DLG2: variants seen among roughly 807,000 people sequenced by gnomAD.
DLG2 encodes disks large homolog 2.
A neutral mutation model predicts 132.5 loss-of-function variants in DLG2; 45 were observed. The ratio of observed to expected loss-of-function variants is 0.34; its 90% CI spans 0.27 to 0.44. The LOEUF (loss-of-function observed/expected upper bound fraction) is 0.44. Ranked by LOEUF, DLG2 falls within the 20% of genes least tolerant of loss-of-function variation. The pLI, the probability that DLG2 is intolerant of heterozygous loss-of-function variation, is 1.00. For missense variants in DLG2, 1,045 were observed against 1,196.9 expected, an observed-to-expected ratio of 0.87 and a Z score of 1.87; for synonymous variants, 424 against 419.6, an observed-to-expected ratio of 1.01 and a Z score of -0.13.
At chr11:85,546,308 G>A (rs1455709332) in intron 3 of DLG2, among the ~76,000 whole-genome samples, 1 of 152,162 alleles carries the variant, frequency 6.6e-6, no homozygotes, top group East Asian at 1.9e-4. Context: ...ATTTTTGAGT[G>A]AGTTTCTTAA....
Position 83,458,260 on chromosome 11 carries a change from C to T in DLG2, c.*1558G>A, listed in dbSNP as rs993314565. On this transcript the variant is annotated 3_prime_UTR_variant, in exon 28 of 28. Coordinates refer to ENST00000376104, the MANE Select transcript of DLG2 (RefSeq NM_001142699.3). ...AAAGCAATGCTGATGTCGCCATCCACTCTAAAGTGGGAAACCAACTCTTCT... is the reference window on the plus strand; with the variant it reads ...AAAGCAATGCTGATGTCGCCATCCATTCTAAAGTGGGAAACCAACTCTTCT... 3.3e-5 allele frequency: 5 copies of T among 152,638 alleles called. No homozygotes were observed. Among genetic ancestry groups the T allele is most frequent in the African/African-American group, 1.2e-4 (5 of 41,440 alleles). 9.5% of individuals were successfully genotyped at this position (152,638 alleles called of 1,614,324 possible).
intron 21 of DLG2, among the ~76,000 whole-genome samples, chr11:83,492,467 C>G (rs2093909211): frequency 6.6e-6 from 1 of 151,978 alleles, no homozygotes; most frequent in African/African-American, 2.4e-5. Context: ...CAGCTTGAAA[C>G]TTTCCCAGAG....
At chr11:85,220,637 A>AAAAAAAATATAT (rs371263007) in intron 4 of DLG2, among the ~76,000 whole-genome samples, 7 of 148,316 alleles carry the variant, frequency 4.7e-5, no homozygotes, top group African/African-American at 1.7e-4. Context: ...TAGAAAAAAA[A>AAAAAAAATATAT]ATATATATAT....
chr11:84,741,768 A>G (rs950749684), intron 6 of DLG2, among the ~76,000 whole-genome samples: 1 of 152,298 alleles, frequency 6.6e-6, no homozygotes, highest in South Asian at 2.1e-4. Context: ...GTAAGGAAAC[A>G]TGGTATCTCT....
intron 12 of DLG2, among the ~76,000 whole-genome samples, chr11:83,979,358 G>A (rs975804713): frequency 6.6e-6 from 1 of 152,174 alleles, no homozygotes; most frequent in Admixed American, 6.6e-5. Flanking sequence ...GCTCCTTGCA[G>A]ACAGATTAGA....
intron 6 of DLG2, among the ~76,000 whole-genome samples, chr11:85,038,749 A>T (rs113686224): frequency 6.6e-6 from 1 of 152,072 alleles, no homozygotes; most frequent in Non-Finnish European, 1.5e-5. Context: ...GTGGCCACTG[A>T]TGTCCAATAA....
chr11:83,856,650 A>G (rs1438723926), intron 16 of DLG2, among the ~76,000 whole-genome samples: 2 of 151,944 alleles, frequency 1.3e-5, no homozygotes, highest in East Asian at 1.9e-4. Context: ...TAAACTTTTC[A>G]TGTCCTTTGC....
At chr11:84,628,181 T>C (rs965959797) in intron 6 of DLG2, among the ~76,000 whole-genome samples, 9 of 152,090 alleles carry the variant, frequency 5.9e-5, no homozygotes, top group African/African-American at 1.9e-4. Context: ...TTAATTAGCA[T>C]AGCACCTGTA....
At chr11:84,521,245 A>G (rs1427172091) in intron 7 of DLG2, among the ~76,000 whole-genome samples, 3 of 152,218 alleles carry the variant, frequency 2.0e-5, no homozygotes, top group Non-Finnish European at 4.4e-5. Context: ...TAAACAAATA[A>G]TAACTCAGTG....
chr11:83,482,944 A>G (rs2093240566), intron 22 of DLG2, among the ~76,000 whole-genome samples: 1 of 152,178 alleles, frequency 6.6e-6, no homozygotes, highest in Admixed American at 6.6e-5. Flanking sequence ...CTATGGAGGT[A>G]TTAAGCGGCA....
At chr11:83,798,065 C>T (rs1567001435) in intron 17 of DLG2, among the ~76,000 whole-genome samples, 3 of 152,166 alleles carry the variant, frequency 2.0e-5, no homozygotes. Flanking sequence ...GGATGGACCC[C>T]CTTGGAGATG....
intron 3 of DLG2, among the ~76,000 whole-genome samples, chr11:85,551,298 AAT>A (rs1405859132): frequency 9.5e-4 from 145 of 152,318 alleles, no homozygotes; most frequent in Non-Finnish European, 2.9e-4. Context: ...AAGATGACCA[AAT>A]ATGAATATAT....
At chr11:83,588,518 G>T (rs1593909521) in intron 19 of DLG2, among the ~76,000 whole-genome samples, 1 of 152,112 alleles carries the variant, frequency 6.6e-6, no homozygotes, top group South Asian at 2.1e-4. Context: ...ACCAAAAGTA[G>T]ATAAAACCAC....
intron 6 of DLG2, among the ~76,000 whole-genome samples, chr11:84,845,848 T>A (rs1481737583): frequency 6.6e-6 from 1 of 151,834 alleles, no homozygotes; most frequent in African/African-American, 2.4e-5. Context: ...CCCAGCTAAT[T>A]TTTGTATTTT....
intron 18 of DLG2, among the ~76,000 whole-genome samples, chr11:83,649,345 G>A (rs1395781487): frequency 6.6e-6 from 1 of 152,090 alleles, no homozygotes; most frequent in Non-Finnish European, 1.5e-5. Flanking sequence ...CCCTCCTGGT[G>A]CTCAAAGGGA....
chr11:84,095,626 G>A (rs180851455), intron 10 of DLG2, among the ~76,000 whole-genome samples: 49 of 152,288 alleles, frequency 3.2e-4, no homozygotes, highest in African/African-American at 1.1e-3. Context: ...AATTATTTGA[G>A]TCAGGACATT....
At chr11:83,907,167 T>A (rs2075159094) in intron 15 of DLG2, among the ~76,000 whole-genome samples, 1 of 152,130 alleles carries the variant, frequency 6.6e-6, no homozygotes, top group Admixed American at 6.6e-5. Context: ...AGAGAACATT[T>A]AATGTGGGAG....
At chr11:83,635,762 T>A (rs2064652327) in intron 18 of DLG2, among the ~76,000 whole-genome samples, 1 of 152,208 alleles carries the variant, frequency 6.6e-6, no homozygotes, top group South Asian at 2.1e-4. Context: ...TTCCATAGTT[T>A]AGACTGTATT....
intron 8 of DLG2, among the ~76,000 whole-genome samples, chr11:84,227,393 C>T (rs1597887571): frequency 6.6e-6 from 1 of 152,052 alleles, no homozygotes; most frequent in South Asian, 2.1e-4. Flanking sequence ...GAAACCAGGC[C>T]TTAGAGGAGG....
Sources: allele counts gnomAD v4.1 joint callset (sites outside exome capture counted in the v4.1 genomes callset), GRCh38; gene constraint gnomAD v4.1.1; transcripts MANE v1.5; gene names NCBI Gene and HGNC (gene_info 2026-07-23, HGNC 2026-07-21).